PTPRD: variants seen among roughly 807,000 people sequenced by gnomAD.
The protein encoded by PTPRD is receptor-type tyrosine-protein phosphatase delta.
A neutral mutation model predicts 214.5 loss-of-function variants in PTPRD; 34 were observed. The observed-to-expected ratio is 0.16, with a 90% confidence interval of 0.12 to 0.21. PTPRD has a LOEUF of 0.21. PTPRD is among the 10% of genes least tolerant of loss of function. The probability of loss-of-function intolerance (pLI) is 1.00; values close to 1 mark genes in which losing one functional copy is unlikely to be tolerated. For synonymous variants in PTPRD, 1,128 were observed against 845.7 expected, an observed-to-expected ratio of 1.33 and a Z score of -5.79; for missense variants, 2,545 against 2,398.7, an observed-to-expected ratio of 1.06 and a Z score of -1.27.
intron 7 of PTPRD, among the ~76,000 whole-genome samples, chr9:9,716,860 T>G (rs997114350): frequency 9.9e-5 from 15 of 152,002 alleles, no homozygotes; most frequent in African/African-American, 3.6e-4. Context: ...TTTAATGAGA[T>G]CCCATTTGTC....
At chr9:8,481,254 T>C (rs1278261933) in intron 30 of PTPRD, among the ~76,000 whole-genome samples, 1 of 152,028 alleles carries the variant, frequency 6.6e-6, no homozygotes, top group African/African-American at 2.4e-5. Flanking sequence ...GAATTTATTT[T>C]AGTAATAATC....
chr9:8,763,159 T>C (rs1379414669), intron 11 of PTPRD, among the ~76,000 whole-genome samples: 1 of 152,154 alleles, frequency 6.6e-6, no homozygotes, highest in Non-Finnish European at 1.5e-5. Flanking sequence ...AAAACACTCT[T>C]TCTCTCTGTT....
chr9:9,282,936 C>A (rs1948224202), intron 9 of PTPRD, among the ~76,000 whole-genome samples: 1 of 151,458 alleles, frequency 6.6e-6, no homozygotes. Context: ...TTAGATTACA[C>A]TATTCTATTC....
At chr9:9,404,153 T>C (rs1380866553) in intron 8 of PTPRD, among the ~76,000 whole-genome samples, 1 of 152,090 alleles carries the variant, frequency 6.6e-6, no homozygotes, top group Non-Finnish European at 1.5e-5. Flanking sequence ...GGAGTGCAAG[T>C]AGGCCAGTGC....
chr9:9,971,264 G>C (rs1463503777), intron 4 of PTPRD, among the ~76,000 whole-genome samples: 2 of 152,160 alleles, frequency 1.3e-5, no homozygotes, highest in Non-Finnish European at 2.9e-5. Flanking sequence ...AAAAGCAGCT[G>C]AACAGGTTGA....
At chr9:9,947,491 TTA>T (rs1459889032) in intron 4 of PTPRD, among the ~76,000 whole-genome samples, 3 of 24,882 alleles carry the variant, frequency 1.2e-4, no homozygotes, top group Non-Finnish European at 2.0e-4. Context: ...TTTATATATA[TTA>T]TATATATTTT....
chr9:10,569,457 T>C (rs1173331992), intron 2 of PTPRD, among the ~76,000 whole-genome samples: 1 of 152,098 alleles, frequency 6.6e-6, no homozygotes, highest in East Asian at 1.9e-4. Flanking sequence ...ATACATTCTC[T>C]TTAATCTGAG....
chr9:10,586,153 CTGT>C (rs1399805879), intron 2 of PTPRD, among the ~76,000 whole-genome samples: 10 of 151,974 alleles, frequency 6.6e-5, no homozygotes, highest in Middle Eastern at 3.4e-3. Context: ...TCTGAGAATC[CTGT>C]TGTTGTTTAT....
Position 8,340,327 on chromosome 9 carries a change from A to G in PTPRD, c.5253+16T>C, listed in dbSNP as rs1211097203. On this transcript the variant is annotated intron_variant, in intron 42 of 45. Coordinates refer to ENST00000381196, the MANE Select transcript of PTPRD (RefSeq NM_002839.4). ...TAAATGTCTTATGAGGAGACACACA[A>G]GGGCCACACACTTACTCTGCCCATT... 6.3e-7 allele frequency: 1 copy of G among 1,584,262 alleles called. No individual in the cohort carries two copies.
intron 2 of PTPRD, among the ~76,000 whole-genome samples, chr9:10,594,691 T>C (rs549219916): frequency 6.6e-6 from 1 of 152,080 alleles, no homozygotes; most frequent in East Asian, 2.0e-4. Context: ...AGAGACTGCT[T>C]CAGAGGTACA....
chr9:9,785,649 G>T (rs149923941), intron 5 of PTPRD, among the ~76,000 whole-genome samples: 1 of 152,158 alleles, frequency 6.6e-6, no homozygotes, highest in African/African-American at 2.4e-5. Flanking sequence ...GCATTTAAAT[G>T]CAATTCGACA....
At chr9:9,855,151 A>G (rs1411486245) in intron 5 of PTPRD, among the ~76,000 whole-genome samples, 1 of 152,190 alleles carries the variant, frequency 6.6e-6, no homozygotes, top group Non-Finnish European at 1.5e-5. Context: ...AGTCCAAGTC[A>G]AGGTAGCCTT....
At chr9:9,141,510 C>T (rs1265877904) in intron 10 of PTPRD, among the ~76,000 whole-genome samples, 1 of 151,672 alleles carries the variant, frequency 6.6e-6, no homozygotes, top group Admixed American at 6.6e-5. Context: ...ATTATTTTTC[C>T]ACTACACTAA....
At chr9:8,495,860 G>C (rs896273002) in intron 26 of PTPRD, among the ~76,000 whole-genome samples, 2 of 152,152 alleles carry the variant, frequency 1.3e-5, no homozygotes, top group Non-Finnish European at 2.9e-5. Context: ...TATTCATTCA[G>C]TGAATGGAAG....
At chr9:9,197,705 C>G (rs1593363526) in intron 9 of PTPRD, among the ~76,000 whole-genome samples, 1 of 152,234 alleles carries the variant, frequency 6.6e-6, no homozygotes, top group Non-Finnish European at 1.5e-5. Context: ...GCCACCATGT[C>G]CGGCCTATTT....
chr9:10,138,532 A>T (rs558086224), intron 3 of PTPRD, among the ~76,000 whole-genome samples: 1 of 152,236 alleles, frequency 6.6e-6, no homozygotes, highest in South Asian at 2.1e-4. Flanking sequence ...ATTCAAAAAA[A>T]TCAAGGGAGG....
At chr9:8,930,939 T>C (rs1001280578) in intron 11 of PTPRD, among the ~76,000 whole-genome samples, 11 of 152,208 alleles carry the variant, frequency 7.2e-5, no homozygotes, top group Admixed American at 1.3e-4. Context: ...GTAGTTTCTT[T>C]TGCTGTGCAG....
intron 11 of PTPRD, among the ~76,000 whole-genome samples, chr9:8,864,409 C>A (rs2098160254): frequency 6.6e-6 from 1 of 152,100 alleles, no homozygotes; most frequent in African/African-American, 2.4e-5. Context: ...AAAGAATGTG[C>A]TTTAAGATTC....
At chr9:8,507,120 G>T (rs1304627734) in intron 22 of PTPRD, among the ~76,000 whole-genome samples, 181 bp downstream of exon 22, 4 of 151,508 alleles carry the variant, frequency 2.6e-5, no homozygotes, top group Non-Finnish European at 4.4e-5. Context: ...TTTTGTCATT[G>T]TTGTTGTTTT....
Sources: allele counts gnomAD v4.1 joint callset (sites outside exome capture counted in the v4.1 genomes callset), GRCh38; gene constraint gnomAD v4.1.1; transcripts MANE v1.5; gene names NCBI Gene and HGNC (gene_info 2026-07-23, HGNC 2026-07-21).